PPP3CC: variants seen among roughly 807,000 people sequenced by gnomAD.
The protein encoded by PPP3CC is protein phosphatase 3 catalytic subunit gamma.
Under a neutral mutation model 60.3 loss-of-function variants are expected in PPP3CC, and 35 were observed. That is an observed-to-expected ratio of 0.58 (90% CI 0.44 to 0.77). The LOEUF is 0.77. Ranked by LOEUF, PPP3CC falls within the 30% of genes least tolerant of loss-of-function variation. The pLI, the probability that PPP3CC is intolerant of heterozygous loss-of-function variation, is 0.00. For missense variants in PPP3CC, 570 were observed against 628.9 expected (o/e 0.91, Z 1.00); for synonymous variants, 206 against 224.3 (o/e 0.92, Z 0.73).
At chr8:22,505,330 A>G (rs1028492469) in intron 4 of PPP3CC, among the ~76,000 whole-genome samples, 1 of 152,104 alleles carries the variant, frequency 6.6e-6, no homozygotes, top group Non-Finnish European at 1.5e-5. Flanking sequence ...CGGCCCTTCC[A>G]TGAACCATTT....
intron 8 of PPP3CC, among the ~76,000 whole-genome samples, chr8:22,525,026 C>CTAT (rs1839501391): frequency 1.3e-5 from 2 of 152,076 alleles, no homozygotes; most frequent in African/African-American, 4.8e-5. Flanking sequence ...TGGAGCATGC[C>CTAT]TATAGTCCTA....
intron 4 of PPP3CC, among the ~76,000 whole-genome samples, chr8:22,501,590 CAT>C (rs1838763620): frequency 6.6e-6 from 1 of 152,246 alleles, no homozygotes; most frequent in Admixed American, 6.5e-5. Flanking sequence ...AGTTCGGTAA[CAT>C]GTCGCCACCA....
chr8:22,463,789 C>CTTT (rs903248905), intron 1 of PPP3CC, among the ~76,000 whole-genome samples: 1 of 140,686 alleles, frequency 7.1e-6, no homozygotes, highest in Admixed American at 7.2e-5. Flanking sequence ...TGTATGTTTT[C>CTTT]TTTTTTTTTT....
At chr8:22,512,851 C>A (rs888073531) in intron 5 of PPP3CC, among the ~76,000 whole-genome samples, 29 of 151,980 alleles carry the variant, frequency 1.9e-4, no homozygotes, top group African/African-American at 6.8e-4. Context: ...CCGAGGAGGG[C>A]GGATCACCTG....
chr8:22,496,453 G>C (rs1838582908), intron 3 of PPP3CC, among the ~76,000 whole-genome samples: 1 of 124,274 alleles, frequency 8.0e-6, no homozygotes, highest in Non-Finnish European at 1.7e-5. Flanking sequence ...GGAATTTCAT[G>C]ACTTATAAGT....
chr8:22,493,080 A>G, intron 3 of PPP3CC: 10 of 1,545,724 alleles, frequency 6.5e-6, no homozygotes, highest in Non-Finnish European at 8.9e-6. Context: ...CAAGATGGAG[A>G]ATTTTGATGA....
intron 1 of PPP3CC, among the ~76,000 whole-genome samples, chr8:22,459,189 A>C (rs867806457): frequency 1.3e-5 from 2 of 151,832 alleles, no homozygotes; most frequent in African/African-American, 4.8e-5. Flanking sequence ...GCCTCCACCT[A>C]CACCTCCCAA....
rs1432669081 is a variant in PPP3CC, at chr8:22,509,121, AC to A, written c.485-1963del. Among the ~76,000 whole-genome samples, 4 of 152,214 alleles carry A rather than the reference AC, an allele frequency of 2.6e-5. No homozygotes were observed. In the East Asian group the frequency reaches 7.7e-4, roughly 29 times the overall value. ...ACACTCAGGGATGGAAGGCCTTACA[AC>A]CTCAAGCGTGGTCTACTGGTTTACA... is the stretch of plus-strand genomic sequence containing the variant. On this transcript the variant is annotated intron_variant, in intron 4 of 13. Coordinates refer to ENST00000240139, the MANE Select transcript of PPP3CC (RefSeq NM_005605.5).
chr8:22,451,726 T>G (rs950539538), intron 1 of PPP3CC, among the ~76,000 whole-genome samples: 35 of 151,790 alleles, frequency 2.3e-4, no homozygotes, highest in Non-Finnish European at 4.9e-4. Flanking sequence ...CTAAGGGTAG[T>G]GACACATTTG....
chr8:22,470,333 A>T (rs143729100), intron 1 of PPP3CC, among the ~76,000 whole-genome samples: 1 of 152,220 alleles, frequency 6.6e-6, no homozygotes, highest in South Asian at 2.1e-4. Flanking sequence ...CTATCCAACA[A>T]TAAGAAAATG....
chr8:22,505,261 G>A (rs1388747652), intron 4 of PPP3CC, among the ~76,000 whole-genome samples: 2 of 151,878 alleles, frequency 1.3e-5, no homozygotes, highest in African/African-American at 4.8e-5. Flanking sequence ...TCCTGACCTC[G>A]TGATCCACCT....
chr8:22,489,357 G>T (rs1023725509), intron 3 of PPP3CC, among the ~76,000 whole-genome samples: 35 of 151,342 alleles, frequency 2.3e-4, no homozygotes, highest in Non-Finnish European at 4.4e-5. Flanking sequence ...TTCTTTTTGT[G>T]CTTATCTGTG....
chr8:22,455,272 C>G (rs1006020478), intron 1 of PPP3CC, among the ~76,000 whole-genome samples: 1 of 152,022 alleles, frequency 6.6e-6, no homozygotes, highest in Non-Finnish European at 1.5e-5. Flanking sequence ...CATATAATAG[C>G]CTCTCAAAAA....
chr8:22,486,055 C>G lies in PPP3CC; in HGVS notation c.372+10431C>G, dbSNP rs188090606. 3.2e-3 allele frequency among the ~76,000 whole-genome samples: 480 copies of G among 151,776 alleles called. 3 individuals carry two copies. Among genetic ancestry groups the G allele is most frequent in the African/African-American group, 0.011 (455 of 41,170 alleles). ...GTTATATGTCCTGAGTGCTTCCCCCCCGCCCTCTTGACTCTGTTTTAGTTG... is the reference window on the plus strand; with the variant it reads ...GTTATATGTCCTGAGTGCTTCCCCCGCGCCCTCTTGACTCTGTTTTAGTTG... On this transcript the variant is annotated intron_variant, in intron 3 of 13. Coordinates refer to ENST00000240139, the MANE Select transcript of PPP3CC (RefSeq NM_005605.5).
At chr8:22,450,816 T>C (rs1414197332) in intron 1 of PPP3CC, among the ~76,000 whole-genome samples, 2 of 138,524 alleles carry the variant, frequency 1.4e-5, no homozygotes, top group Admixed American at 7.1e-5. Flanking sequence ...TATTTATTTA[T>C]TTATTTATTT....
intron 4 of PPP3CC, among the ~76,000 whole-genome samples, chr8:22,508,296 A>G (rs1164621894): frequency 6.6e-6 from 1 of 152,160 alleles, no homozygotes; most frequent in Non-Finnish European, 1.5e-5. Context: ...AAATGTTATT[A>G]TATAAAGATT....
At chr8:22,514,248 CAAA>C (rs66505760) in intron 6 of PPP3CC, among the ~76,000 whole-genome samples, 33,676 of 88,466 alleles carry the variant, frequency 0.38, 3,783 homozygotes, top group East Asian at 0.53. Context: ...ACTCTGTCTC[CAAA>C]AAAAAAAAAA....
At chr8:22,489,602 TGTATATA>T (rs1360596225) in intron 3 of PPP3CC, among the ~76,000 whole-genome samples, 1 of 142,218 alleles carries the variant, frequency 7.0e-6, no homozygotes, top group Non-Finnish European at 1.5e-5. Flanking sequence ...TATATAATAG[TGTATATA>T]ATATATAATA....
intron 4 of PPP3CC, among the ~76,000 whole-genome samples, chr8:22,499,737 G>T (rs1838708438): frequency 6.6e-6 from 1 of 152,208 alleles, no homozygotes; most frequent in Non-Finnish European, 1.5e-5. Context: ...TCTTTTCCCA[G>T]ATCTCTATCT....
Sources: gnomAD v4.1 joint callset for allele counts (sites outside exome capture counted in the v4.1 genomes callset) on GRCh38, gnomAD v4.1.1 for gene constraint, MANE v1.5 for transcripts, NCBI Gene and HGNC (gene_info 2026-07-23, HGNC 2026-07-21) for gene names.